Variants in DLG2 observed in about 807,000 individuals in gnomAD.
DLG2 encodes the protein discs large MAGUK scaffold protein 2.
DLG2 carries 45 observed loss-of-function variants against 132.5 expected under a neutral mutation model. The observed-to-expected ratio is 0.34, with a 90% confidence interval of 0.27 to 0.44. The LOEUF (loss-of-function observed/expected upper bound fraction) is 0.44. DLG2 is among the 20% of genes least tolerant of loss of function. The probability of loss-of-function intolerance (pLI) is 1.00; values close to 1 mark genes in which losing one functional copy is unlikely to be tolerated. For synonymous variants in DLG2, 424 were observed against 419.6 expected, an observed-to-expected ratio of 1.01 and a Z score of -0.13; for missense variants, 1,045 against 1,196.9, an observed-to-expected ratio of 0.87 and a Z score of 1.87.
chr11:85,397,667 CA>C (rs1248538920), intron 3 of DLG2, among the ~76,000 whole-genome samples: 1 of 152,022 alleles, frequency 6.6e-6, no homozygotes, highest in African/African-American at 2.4e-5. Context: ...CAACAAAGAT[CA>C]AAAGAGACAA....
intron 4 of DLG2, among the ~76,000 whole-genome samples, chr11:85,189,810 T>C (rs1471884599): frequency 2.0e-5 from 3 of 152,078 alleles, no homozygotes; most frequent in Non-Finnish European, 4.4e-5. Context: ...TATTTTTTTT[T>C]TCTTAGAGAC....
At position 84,318,068 on chromosome 11, in the gene DLG2, C is replaced by T. The variant is rs1352203127; in HGVS notation, c.520-66777G>A. 2.6e-5 allele frequency among the ~76,000 whole-genome samples: 4 copies of T among 152,282 alleles called. No homozygotes were observed. The South Asian group carries it at 8.3e-4, about 32-fold the overall frequency. ...TACTTTACCATAACAAATACATTCA[C>T]CACAAATAGAGTCTGCGTTTTAAAG... On this transcript the variant is annotated intron_variant, in intron 7 of 27. Transcript: ENST00000376104.
At chr11:84,750,600 C>G (rs1481606528) in intron 6 of DLG2, among the ~76,000 whole-genome samples, 1 of 152,062 alleles carries the variant, frequency 6.6e-6, no homozygotes, top group Non-Finnish European at 1.5e-5. Context: ...AAATTATACT[C>G]TTATGTTCAT....
At chr11:83,960,180 CA>C (rs2088182120) in intron 14 of DLG2, among the ~76,000 whole-genome samples, 1 of 152,146 alleles carries the variant, frequency 6.6e-6, no homozygotes, top group South Asian at 2.1e-4. Flanking sequence ...ACACAGTTTT[CA>C]AGTACTAATT....
At chr11:84,325,598 T>C (rs1005166975) in intron 7 of DLG2, among the ~76,000 whole-genome samples, 11 of 152,200 alleles carry the variant, frequency 7.2e-5, no homozygotes, top group African/African-American at 2.4e-4. Flanking sequence ...CAGAAATAAA[T>C]TCCATTTGGC....
intron 3 of DLG2, among the ~76,000 whole-genome samples, chr11:85,546,199 C>A (rs2153216470): frequency 6.6e-6 from 1 of 152,278 alleles, no homozygotes; most frequent in Non-Finnish European, 1.5e-5. Context: ...TGTCTTTGTT[C>A]TCATTGGTTT....
intron 6 of DLG2, among the ~76,000 whole-genome samples, chr11:84,625,194 T>C (rs144635827): frequency 2.0e-5 from 3 of 152,050 alleles, no homozygotes; most frequent in Non-Finnish European, 4.4e-5. Context: ...CAAAAGTCCT[T>C]AAAAATTTGA....
intron 5 of DLG2, among the ~76,000 whole-genome samples, chr11:85,138,013 G>C (rs1331353783): frequency 6.6e-6 from 1 of 152,002 alleles, no homozygotes; most frequent in Non-Finnish European, 1.5e-5. Flanking sequence ...TTCTGTTCAA[G>C]TTAAATGTGT....
chr11:84,144,630 A>G (rs1468389490), intron 9 of DLG2, among the ~76,000 whole-genome samples: 1 of 152,160 alleles, frequency 6.6e-6, no homozygotes, highest in Non-Finnish European at 1.5e-5. Flanking sequence ...GAATAACATG[A>G]GGAGATAACC....
At chr11:85,154,747 C>A in intron 4 of DLG2, 96 bp from the exon 5 acceptor site, 1 of 613,494 alleles carries the variant, frequency 1.6e-6, no homozygotes, top group Non-Finnish European at 2.7e-6. Context: ...ATATCTAAGG[C>A]CTGAATAAAT....
intron 6 of DLG2, among the ~76,000 whole-genome samples, chr11:84,858,513 G>C (rs902314910): frequency 2.0e-5 from 3 of 152,040 alleles, no homozygotes; most frequent in Non-Finnish European, 4.4e-5. Context: ...CTTACTGATA[G>C]AGATGAATTA....
rs374337168 is a variant in DLG2, at chr11:84,182,879, T to C, written c.574-19368A>G. Among the ~76,000 whole-genome samples the C allele has an allele frequency of 5.8e-4, 89 of 152,154 alleles. 1 individual carries two copies. The highest frequency in any genetic ancestry group is 2.0e-3 in the African/African-American group (81 of 41,532). On this transcript the variant is annotated intron_variant, in intron 8 of 27. Coordinates refer to ENST00000376104, the MANE Select transcript of DLG2 (RefSeq NM_001142699.3). ...CTAATTAAGAAAAAAAATGACAAAA[T>C]TGCTAATATTAGAAAAGAAACACAA...
chr11:83,592,579 A>C (rs1486078992), intron 19 of DLG2, among the ~76,000 whole-genome samples: 1 of 152,192 alleles, frequency 6.6e-6, no homozygotes, highest in African/African-American at 2.4e-5. Context: ...GGACATAGGC[A>C]TGGGCAAGGA....
chr11:84,125,138 C>G (rs188510030), intron 9 of DLG2, among the ~76,000 whole-genome samples: 1 of 152,066 alleles, frequency 6.6e-6, no homozygotes, highest in Non-Finnish European at 1.5e-5. Flanking sequence ...GTGTGAGCCA[C>G]CGTGCCTGGC....
chr11:85,228,797 A>G (rs1487880747), intron 4 of DLG2, among the ~76,000 whole-genome samples: 1 of 151,560 alleles, frequency 6.6e-6, no homozygotes, highest in Non-Finnish European at 1.5e-5. Context: ...CTGACTTTTC[A>G]TTGTCATTTC....
chr11:84,974,266 C>T (rs2154116093), intron 6 of DLG2, among the ~76,000 whole-genome samples: 2 of 152,234 alleles, frequency 1.3e-5, no homozygotes, highest in South Asian at 4.1e-4. Context: ...TTGATCTTTT[C>T]CAGAGGTGAA....
intron 19 of DLG2, among the ~76,000 whole-genome samples, chr11:83,575,369 G>T (rs1244389752): frequency 6.6e-6 from 1 of 152,144 alleles, no homozygotes; most frequent in Non-Finnish European, 1.5e-5. Context: ...GAGAAGCCTG[G>T]CAGACTCTCT....
At chr11:84,841,517 T>C (rs920675401) in intron 6 of DLG2, among the ~76,000 whole-genome samples, 2 of 152,040 alleles carry the variant, frequency 1.3e-5, no homozygotes, top group Non-Finnish European at 1.5e-5. Context: ...TATAAATTTC[T>C]AAGTTTTTCA....
intron 6 of DLG2, among the ~76,000 whole-genome samples, chr11:84,834,485 A>C (rs929777355): frequency 2.0e-5 from 3 of 151,552 alleles, no homozygotes; most frequent in Non-Finnish European, 3.0e-5. Context: ...AATCCCTCCA[A>C]ATTGCTCCTC....
Sources: gnomAD v4.1 joint callset for allele counts (sites outside exome capture counted in the v4.1 genomes callset) on GRCh38, gnomAD v4.1.1 for gene constraint, MANE v1.5 for transcripts, NCBI Gene and HGNC (gene_info 2026-07-23, HGNC 2026-07-21) for gene names.